The following SRGAP3 variants were observed in gnomAD, a reference collection of about 807,000 sequenced individuals.
SRGAP3 encodes the protein SLIT-ROBO Rho GTPase-activating protein 3.
SRGAP3 carries 39 observed loss-of-function variants against 121.1 expected under a neutral mutation model. The ratio of observed to expected loss-of-function variants is 0.32; its 90% confidence interval spans 0.25 to 0.42. The LOEUF is 0.42. Among genes scored for constraint, SRGAP3 ranks in the 10% least tolerant of loss-of-function variants. SRGAP3 has a pLI of 1.00. For synonymous variants in SRGAP3, 601 were observed against 570.0 expected (o/e 1.05, Z -0.77); for missense variants, 1,213 against 1,470.6 (o/e 0.82, Z 2.86).
intron 10 of SRGAP3, among the ~76,000 whole-genome samples, chr3:9,039,195 T>A (rs1944907939): frequency 6.6e-6 from 1 of 152,168 alleles, no homozygotes; most frequent in South Asian, 2.1e-4. Context: ...GACTCCCTTC[T>A]TACAAAGCTC....
chr3:9,124,004 A>C (rs1407075970), intron 2 of SRGAP3, among the ~76,000 whole-genome samples: 1 of 152,024 alleles, frequency 6.6e-6, no homozygotes, highest in Non-Finnish European at 1.5e-5. Context: ...TGGTTGACAC[A>C]GTCCAAGTGA....
intron 3 of SRGAP3, among the ~76,000 whole-genome samples, chr3:9,305,859 G>A (rs367600222): frequency 3.9e-5 from 6 of 152,206 alleles, no homozygotes; most frequent in East Asian, 1.9e-4. Flanking sequence ...GAATAGTGCC[G>A]CAATAAACAT....
chr3:9,336,801 T>C (rs897731987), intron 1 of SRGAP3, among the ~76,000 whole-genome samples: 20 of 152,136 alleles, frequency 1.3e-4, no homozygotes, highest in Non-Finnish European at 2.2e-4. Flanking sequence ...ACAGAGAGTA[T>C]GTTAGAGTTC....
chr3:9,260,549 G>A (rs1039731445), intron 3 of SRGAP3, among the ~76,000 whole-genome samples: 4 of 152,208 alleles, frequency 2.6e-5, no homozygotes, highest in African/African-American at 4.8e-5. Flanking sequence ...CAAACGATGC[G>A]GAACCCACTG....
At chr3:9,037,669 G>A (rs1433835214) in intron 11 of SRGAP3, 9 of 295,114 alleles carry the variant, frequency 3.0e-5, no homozygotes, top group Middle Eastern at 2.2e-3. Context: ...TCGCAGCATG[G>A]CTGGGCAGTT....
At chr3:9,141,202 T>C (rs944622132) in intron 1 of SRGAP3, among the ~76,000 whole-genome samples, 3 of 152,180 alleles carry the variant, frequency 2.0e-5, no homozygotes, top group African/African-American at 7.2e-5. Flanking sequence ...TTTGACCCCA[T>C]TAACTCACAC....
chr3:9,312,306 C>G (rs781599409), intron 3 of SRGAP3, among the ~76,000 whole-genome samples: 7 of 152,182 alleles, frequency 4.6e-5, no homozygotes, highest in Non-Finnish European at 8.8e-5. Context: ...AGGCACCCAC[C>G]ACCACGCCCG....
intron 3 of SRGAP3, among the ~76,000 whole-genome samples, chr3:9,302,406 G>C (rs1332152798): frequency 6.6e-6 from 1 of 152,152 alleles, no homozygotes; most frequent in Non-Finnish European, 1.5e-5. Context: ...GCGACAGCTC[G>C]GCAGAGAAGC....
intron 4 of SRGAP3, chr3:9,065,188 T>C (rs1052426178): frequency 1.3e-5 from 2 of 152,242 alleles, no homozygotes; most frequent in Admixed American, 1.3e-4. Flanking sequence ...AGATATTCTA[T>C]GCTCTCTGGA....
intron 12 of SRGAP3, 28 bp from the exon 13 acceptor site, chr3:9,027,023 A>G (rs2125073425): frequency 2.5e-6 from 4 of 1,610,852 alleles, no homozygotes; most frequent in Non-Finnish European, 3.4e-6. Context: ...TGTGAGTTTT[A>G]TGGGGCTTGA....
chr3:9,144,786 G>A (rs940006186), intron 1 of SRGAP3, among the ~76,000 whole-genome samples: 2 of 152,170 alleles, frequency 1.3e-5, no homozygotes, highest in African/African-American at 2.4e-5. Context: ...TCAGCAGCGT[G>A]AAAACAGACT....
At chr3:9,095,184 G>A (rs2058947) in intron 3 of SRGAP3, among the ~76,000 whole-genome samples, 103,248 of 151,610 alleles carry the variant, frequency 0.68, 35,286 homozygotes, top group African/African-American at 0.74. Flanking sequence ...TATTCTGGGT[G>A]TTAACCTTTT....
intron 1 of SRGAP3, among the ~76,000 whole-genome samples, chr3:9,354,186 T>A (rs376141442): frequency 6.6e-6 from 1 of 152,080 alleles, no homozygotes; most frequent in African/African-American, 2.4e-5. Context: ...CATAACAAAG[T>A]CCGCAGATAA....
At chr3:9,075,348 T>C (rs568190185) in intron 4 of SRGAP3, among the ~76,000 whole-genome samples, 95 of 151,984 alleles carry the variant, frequency 6.3e-4, no homozygotes, top group African/African-American at 2.2e-3. Context: ...GTGTGGTGCA[T>C]GTCAAACTGC....
chr3:9,089,587 G>A (rs551695073), intron 3 of SRGAP3, among the ~76,000 whole-genome samples: 1 of 152,296 alleles, frequency 6.6e-6, no homozygotes, highest in African/African-American at 2.4e-5. Flanking sequence ...CTTATCACCT[G>A]TGCAGAAATC....
rs148936885 is a variant in SRGAP3 at position 9,357,870 on chromosome 3, A to C, written n.214+4970T>G. 7.3e-3 allele frequency among the ~76,000 whole-genome samples: 1,112 copies of C among 151,804 alleles called. 5 individuals are homozygous for C. The highest frequency in any genetic ancestry group is 0.011 in the Non-Finnish European group (717 of 67,922). ...CACATAACACAAAATTCCCCATTTG[A>C]AATTTTTTTTTTTTTCTTTTTTGAG... On this transcript the variant is annotated intron_variant and non_coding_transcript_variant, in intron 1 of 3. Coordinates refer to the SRGAP3 transcript ENST00000490889.
intron 3 of SRGAP3, among the ~76,000 whole-genome samples, chr3:9,278,576 GA>G (rs939273337): frequency 2.0e-5 from 3 of 152,202 alleles, no homozygotes; most frequent in Non-Finnish European, 4.4e-5. Flanking sequence ...TATGTCACGA[GA>G]AAGTGCTTTG....
chr3:9,308,213 G>A (rs1307962994), intron 3 of SRGAP3, among the ~76,000 whole-genome samples: 1 of 152,116 alleles, frequency 6.6e-6, no homozygotes, highest in Non-Finnish European at 1.5e-5. Context: ...GTTCACTGAG[G>A]GACAACTGAA....
At position 9,010,356 on chromosome 3, in the gene SRGAP3, C is replaced by G; in HGVS notation, c.2179G>C (p.Asp727His). Reference sequence around the variant, plus strand: ...GTGCCATTGTCATGGTCAACTTCATCGATGGCCCCTGGCTCGCTGTGTGGG... The same window carrying G: ...GTGCCATTGTCATGGTCAACTTCATGGATGGCCCCTGGCTCGCTGTGTGGG... The part of the protein sequence containing the change: ...DSPHSEPGAI[D>H]EVDHDNGTEP... Residue 727 changes from aspartate to histidine, a missense_variant, in exon 18 of 22, where the codon GAT becomes CAT. By Grantham distance (81) the Asp-to-His change is moderately conservative. Around this residue, in one of 2 missense-constraint regions of SRGAP3, gnomAD observed 793 missense variants for 1,032.9 expected, o/e 0.77. Coordinates refer to ENST00000383836, the MANE Select transcript of SRGAP3 (RefSeq NM_014850.4). The G allele has an allele frequency of 6.2e-7, 1 of 1,614,088 alleles. No homozygotes were observed.
Sources: allele counts gnomAD v4.1 joint callset (sites outside exome capture counted in the v4.1 genomes callset), GRCh38; gene constraint gnomAD v4.1.1; regional missense constraint gnomAD v4.1.1; transcripts MANE v1.5; gene names NCBI Gene and HGNC (gene_info 2026-07-23, HGNC 2026-07-21).